Variants in FGFR1 observed in about 807,000 individuals in gnomAD.
FGFR1 encodes the protein fibroblast growth factor receptor 1, also known as FGFR1/PLAG1 fusion.
Under a neutral mutation model 93.7 loss-of-function variants are expected in FGFR1, and 18 were observed. That is an observed-to-expected ratio of 0.19 (90% CI 0.13 to 0.28). FGFR1 has a LOEUF of 0.28. Among genes scored for constraint, FGFR1 ranks in the 10% least tolerant of loss-of-function variants. The probability of loss-of-function intolerance (pLI) is 1.00; values close to 1 mark genes in which losing one functional copy is unlikely to be tolerated. For synonymous variants in FGFR1, 448 were observed against 429.3 expected, an observed-to-expected ratio of 1.04 and a Z score of -0.54; for missense variants, 731 against 1,080.4, an observed-to-expected ratio of 0.68 and a Z score of 4.53.
Position 38,417,998 on chromosome 8 carries a change from G to A in FGFR1, c.1431-7C>T, listed in dbSNP as rs780383045. On this transcript the variant is annotated splice_region_variant and splice_polypyrimidine_tract_variant and intron_variant, in intron 10 of 17. Coordinates refer to ENST00000447712, the MANE Select transcript of FGFR1 (RefSeq NM_023110.3). The stretch of plus-strand genomic sequence containing the variant: ...GGGTTTGCCTAAGACCAGTCTTTCG[G>A]GGGAAACAGAGAGTGGCATAAGTTG... 3.7e-6 allele frequency: 6 copies of A among 1,614,150 alleles called. No individual in the cohort carries two copies. The highest frequency in any genetic ancestry group is 1.7e-5 in the Admixed American group (1 of 60,030).
intron 1 of FGFR1, among the ~76,000 whole-genome samples, chr8:38,460,288 C>T (rs562214967): frequency 2.6e-5 from 4 of 152,272 alleles, no homozygotes; most frequent in Admixed American, 2.6e-4. Context: ...GCAGTGCTTG[C>T]CAGAGGATGC....
intron 2 of FGFR1, chr8:38,440,432 C>A: frequency 7.1e-7 from 1 of 1,416,324 alleles, no homozygotes; most frequent in Non-Finnish European, 9.5e-7. Flanking sequence ...TCTCGGAGTC[C>A]CCAAATAGAA....
At chr8:38,438,403 C>T (rs1464451827) in intron 2 of FGFR1, among the ~76,000 whole-genome samples, 16 of 152,016 alleles carry the variant, frequency 1.1e-4, no homozygotes, top group African/African-American at 1.9e-4. Flanking sequence ...ATTAGCCAGG[C>T]GTGGTGATGC....
intron 2 of FGFR1, among the ~76,000 whole-genome samples, chr8:38,447,027 A>C (rs1216943497): frequency 6.6e-6 from 1 of 151,684 alleles, no homozygotes; most frequent in Non-Finnish European, 1.5e-5. Context: ...TTGTTCATTA[A>C]GGCAGTTCAC....
At chr8:38,440,578 T>C (rs1719557220) in intron 2 of FGFR1, among the ~76,000 whole-genome samples, 1 of 150,412 alleles carries the variant, frequency 6.6e-6, no homozygotes. Flanking sequence ...AGAAGGGCTT[T>C]TTTTTTTTTT....
intron 2 of FGFR1, among the ~76,000 whole-genome samples, chr8:38,436,002 C>T (rs1411237587): frequency 6.6e-6 from 1 of 152,190 alleles, no homozygotes; most frequent in Non-Finnish European, 1.5e-5. Context: ...CATCTGGTAT[C>T]TGGATTCCCT....
chr8:38,419,593 G>A lies in FGFR1; in HGVS notation c.1224C>T (p.Phe408=), dbSNP rs369529821. The A allele has an allele frequency of 6.2e-7, 1 of 1,614,120 alleles. No individual in the cohort carries two copies. The highest frequency in any genetic ancestry group is 8.5e-7 in the Non-Finnish European group (1 of 1,180,014). Residue 408 remains phenylalanine (F), a synonymous_variant, in exon 9 of 18, where the codon TTC becomes TTT. Transcript: ENST00000447712. ...KMKSGTKKSD[F]HSQMAVHKLA... is the part of the protein sequence containing the mutation. ...GCTTGTGCACAGCCATCTGGCTGTG[G>A]AAGTCACTCTTCTTGGTACCACTCT...
intron 15 of FGFR1, 77 bp from the exon 16 acceptor site, chr8:38,414,366 G>A (rs2150542589): frequency 2.5e-6 from 4 of 1,605,662 alleles, no homozygotes; most frequent in Non-Finnish European, 3.4e-6. Context: ...TCTACCCAGG[G>A]CAGTGCCAGG....
intron 1 of FGFR1, chr8:38,461,167 T>C (rs2151427853): frequency 6.5e-7 from 1 of 1,532,596 alleles, no homozygotes; most frequent in Non-Finnish European, 8.7e-7. Flanking sequence ...GTCTTCTCAC[T>C]GGAGTACTGA....
chr8:38,416,072 G>T lies in FGFR1; in HGVS notation c.1664-12C>A, dbSNP rs766788469. 1 of 1,606,718 alleles carries T rather than the reference G, an allele frequency of 6.2e-7. No individual in the cohort carries two copies. The highest frequency in any genetic ancestry group is 1.7e-5 in the Admixed American group (1 of 59,316). On this transcript the variant is annotated splice_polypyrimidine_tract_variant and intron_variant, in intron 12 of 17. Coordinates refer to ENST00000447712, the MANE Select transcript of FGFR1 (RefSeq NM_023110.3). Reference sequence around the variant, plus strand: ...GACATACAAGGGACCTGCAGGCACAGGAGAAGAGGCCATGGGGCCAGCAGC... The same window carrying T: ...GACATACAAGGGACCTGCAGGCACATGAGAAGAGGCCATGGGGCCAGCAGC...
Position 38,413,516 on chromosome 8 carries a change from G to T in FGFR1, c.*112C>A. ...ACAGGAAGGCCCCTGGTAGGCAGCC[G>T]GCTCCTGCCAGCAGGAAAGGGGACA... On this transcript the variant is annotated 3_prime_UTR_variant, in exon 18 of 18. Coordinates refer to ENST00000447712, the MANE Select transcript of FGFR1 (RefSeq NM_023110.3). This position sits in a 1 kb window ranked among gnomAD's most constrained non-coding sequence, Gnocchi z 4.2. 8.0e-7 allele frequency: 1 copy of T among 1,251,662 alleles called. No individual in the cohort carries two copies. The highest frequency in any genetic ancestry group is 1.1e-6 in the Non-Finnish European group (1 of 906,380). The allele number at this position is 1,251,662 out of a possible 1,614,324, so 77.5% of individuals were successfully genotyped here.
rs957395236 is a variant in FGFR1, at chr8:38,427,000, G to A, written c.622-755C>T. On this transcript the variant is annotated intron_variant, in intron 5 of 17. Coordinates refer to ENST00000447712, the MANE Select transcript of FGFR1 (RefSeq NM_023110.3). The surrounding 1 kb of genome is among the most constrained non-coding windows in gnomAD (Gnocchi z 4.1). ...TGGTGGCTGCACATCCCAGGTACTC[G>A]GGAGGCTGAGGCAGGAGAATGGCAT... Among the ~76,000 whole-genome samples, 3 of 151,874 alleles carry A rather than the reference G, an allele frequency of 2.0e-5. No homozygotes were observed. Among genetic ancestry groups the A allele is most frequent in the Admixed American group, 6.6e-5 (1 of 15,238 alleles).
intron 8 of FGFR1, 125 bp downstream of exon 8, chr8:38,421,672 C>A (rs750279121): frequency 1.1e-5 from 11 of 1,009,786 alleles, no homozygotes; most frequent in Non-Finnish European, 1.7e-5. Context: ...GGATGTGGCA[C>A]CAGGCAGGCA....
intron 15 of FGFR1, 81 bp downstream of exon 15, chr8:38,414,478 A>G: frequency 6.4e-7 from 1 of 1,562,616 alleles, no homozygotes; most frequent in African/African-American, 1.4e-5. Context: ...AGGACTCCTC[A>G]GTCCAGGGAG....
At position 38,413,765 on chromosome 8, in the gene FGFR1, G is replaced by A. The variant is rs2150510481; in HGVS notation, c.2332C>T (p.Pro778Ser). Residue 778 changes from proline to serine, a missense_variant, in exon 18 of 18, where the codon CCC (proline) becomes TCC (serine). Pro to Ser is a moderately conservative substitution (Grantham distance 74). Around this residue, in one of 10 missense-constraint regions of FGFR1, gnomAD observed 79 missense variants for 97.2 expected, o/e 0.81. Transcript: ENST00000447712. The surrounding 1 kb of genome is among the most constrained non-coding windows in gnomAD (Gnocchi z 4.2). ...DLSMPLDQYS[P>S]SFPDTRSSTC... ...GAGCTCCGGGTGTCGGGAAAGCTGG[G>A]GGAGTACTGGTCCAGGGGCATGGAC... The A allele has an allele frequency of 6.2e-7, 1 of 1,614,130 alleles. No individual in the cohort carries two copies. The highest frequency in any genetic ancestry group is 8.5e-7 in the Non-Finnish European group (1 of 1,180,002).
chr8:38,455,927 G>A (rs1832700698), intron 2 of FGFR1, among the ~76,000 whole-genome samples: 1 of 152,084 alleles, frequency 6.6e-6, no homozygotes, highest in African/African-American at 2.4e-5. Flanking sequence ...CTCCCTGTGG[G>A]CAGACACAGT....
intron 2 of FGFR1, among the ~76,000 whole-genome samples, chr8:38,452,493 T>C (rs1831407397): frequency 6.6e-6 from 1 of 152,116 alleles, no homozygotes; most frequent in Non-Finnish European, 1.5e-5. Context: ...GCCTCCTGAA[T>C]AGCTAGGACT....
intron 2 of FGFR1, among the ~76,000 whole-genome samples, chr8:38,444,556 A>ATTTTTTTTTTTTTTTTTT (rs562700623): frequency 7.7e-6 from 1 of 129,234 alleles, no homozygotes. Flanking sequence ...GCGTGGCTAA[A>ATTTTTTTTTTTTTTTTTT]TTTTTTTTTT....
At position 38,455,733 on chromosome 8, in the gene FGFR1, A is replaced by G. The variant is rs142649021; in HGVS notation, c.91+1623T>C. On this transcript the variant is annotated intron_variant, in intron 2 of 17. Coordinates refer to ENST00000447712, the MANE Select transcript of FGFR1 (RefSeq NM_023110.3). ...ATATACATGCTGTCTCTGAACACTC[A>G]TGCTGTTCAACCTGGAGGGCCCTTC... Among the ~76,000 whole-genome samples, 602 of 152,272 alleles carry G rather than the reference A, an allele frequency of 4.0e-3. 2 individuals carry two copies. Among genetic ancestry groups the G allele is most frequent in the Non-Finnish European group, 7.1e-3 (482 of 68,014 alleles).
Sources: allele counts gnomAD v4.1 joint callset (sites outside exome capture counted in the v4.1 genomes callset), GRCh38; gene constraint gnomAD v4.1.1; regional missense constraint gnomAD v4.1.1; non-coding constraint Gnocchi (gnomAD v3.1); transcripts MANE v1.5; gene names NCBI Gene and HGNC (gene_info 2026-07-23, HGNC 2026-07-21).